Variants in NTRK1 observed in about 807,000 individuals in gnomAD.
NTRK1 encodes neurotrophic receptor tyrosine kinase 1.
Under a neutral mutation model 86.8 loss-of-function variants are expected in NTRK1, and 62 were observed. That is an observed-to-expected ratio of 0.71 (90% confidence interval 0.58 to 0.88). The LOEUF (loss-of-function observed/expected upper bound fraction) is 0.88. Ranked by LOEUF, NTRK1 falls within the 40% of genes least tolerant of loss-of-function variation. NTRK1 has a pLI of 0.00. For synonymous variants in NTRK1, 469 were observed against 456.6 expected (o/e 1.03, Z -0.35); for missense variants, 967 against 1,078.4 (o/e 0.90, Z 1.45).
rs1647561017 is a variant in NTRK1, at chr1:156,871,649, G to C, written c.744G>C (p.Gly248=). The C allele has an allele frequency of 6.2e-7, 1 of 1,614,110 alleles. No homozygotes were observed. Among genetic ancestry groups the C allele is most frequent in the South Asian group, 1.1e-5 (1 of 91,078 alleles). Residue 248 remains glycine, a synonymous_variant, in exon 7 of 17, where the codon GGG becomes GGC. Coordinates refer to ENST00000524377, the MANE Select transcript of NTRK1 (RefSeq NM_002529.4). ...AATCTGGGGGTCTGCCATCCCTGGG[G>C]CTGACCCTGGCCAATGTCACCAGTG... ...VMKSGGLPSL[G]LTLANVTSDL... is the part of the protein sequence containing the mutation.
At chr1:156,856,419 A>C (rs1655406507), upstream of NTRK1, among the ~76,000 whole-genome samples, 1 of 152,188 alleles carries the variant, frequency 6.6e-6, no homozygotes, top group South Asian at 2.1e-4. Context: ...ATTACTCTTG[A>C]AAGGACATTC....
Position 156,881,584 on chromosome 1 carries a change from A to G in NTRK1, c.2333A>G (p.His778Arg), listed in dbSNP as rs2102931328. The G allele has an allele frequency of 1.2e-6, 2 of 1,611,712 alleles. No homozygotes were observed. The highest frequency in any genetic ancestry group is 2.2e-5 in the South Asian group (2 of 90,556). The change falls in exon 17 of 17, where the codon CAC becomes CGC. Residue 778 changes from histidine to arginine, a missense_variant. This residue lies in a region of NTRK1 where 637 missense variants were observed against 776.5 expected (regional missense o/e 0.82). Coordinates refer to ENST00000524377, the MANE Select transcript of NTRK1 (RefSeq NM_002529.4). ...PQQRHSIKDV[H>R]ARLQALAQAP... ...CAACGCCACAGCATCAAGGATGTGC[A>G]CGCCCGGCTGCAAGCCCTGGCCCAG...
chr1:156,871,554 A>C, intron 6 of NTRK1, 69 bp from the exon 7 acceptor site: 1 of 1,583,364 alleles, frequency 6.3e-7, no homozygotes, highest in Non-Finnish European at 8.7e-7. Context: ...GGGGCTCTCC[A>C]AAGACTTCAG....
intron 5 of NTRK1, 31 bp downstream of exon 5, chr1:156,868,280 G>A (rs561102390): frequency 1.2e-5 from 20 of 1,602,408 alleles, no homozygotes; most frequent in Middle Eastern, 1.9e-4. Flanking sequence ...GTGGTGTAAG[G>A]GGGCTGGGGA....
In NTRK1 at chr1:156,880,093, G is replaced by T; in HGVS notation, c.2141G>T (p.Gly714Val). The T allele has an allele frequency of 1.2e-6, 2 of 1,613,348 alleles. No individual in the cohort carries two copies. The highest frequency in any genetic ancestry group is 1.7e-6 in the Non-Finnish European group (2 of 1,179,856). Residue 714 changes from glycine to valine, a missense_variant, in exon 16 of 17, where the codon GGC (glycine) becomes GTC (valine). Around this residue, in one of 2 missense-constraint regions of NTRK1, gnomAD observed 637 missense variants for 776.5 expected, o/e 0.82. Coordinates refer to ENST00000524377, the MANE Select transcript of NTRK1 (RefSeq NM_002529.4). ...FTTESDVWSF[G>V]VVLWEIFTYG... ...ACCGAGAGCGACGTGTGGAGCTTCG[G>T]CGTGGTGCTCTGGGAGATCTTCACC...
Position 156,881,710 on chromosome 1 carries a change from C to T in NTRK1, c.*68C>T. ...GGCCTGCCCTCAGCATCCCCCATAG[C>T]TCCCAGCAGCCCCAGGGTGATCTCA... On this transcript the variant is annotated 3_prime_UTR_variant, in exon 17 of 17. Coordinates refer to ENST00000524377, the MANE Select transcript of NTRK1 (RefSeq NM_002529.4). 1 of 1,448,806 alleles carries T rather than the reference C, an allele frequency of 6.9e-7. No homozygotes were observed. The highest frequency in any genetic ancestry group is 9.3e-7 in the Non-Finnish European group (1 of 1,074,428). The allele number at this position is 1,448,806 out of a possible 1,614,324, so 89.7% of individuals were successfully genotyped here.
Position 156,875,756 on chromosome 1 carries a change from C to T in NTRK1, c.1501+90C>T, listed in dbSNP as rs146573823. The T allele has an allele frequency of 3.7e-4, 561 of 1,525,942 alleles. 1 individual carries two copies. The highest frequency in any genetic ancestry group is 4.8e-4 in the Non-Finnish European group (541 of 1,126,250). 94.5% of individuals were successfully genotyped at this position (1,525,942 alleles called of 1,614,324 possible). A position where few individuals can be genotyped will look rare whatever the true frequency, so the allele number is the denominator to read the frequency against. On this transcript the variant is annotated intron_variant, in intron 12 of 16. Coordinates refer to ENST00000524377, the MANE Select transcript of NTRK1 (RefSeq NM_002529.4). ...GTGTGTAGAAGCCCCTAGGCCTGAA[C>T]GATCCCTCCCTTTCTCCCACCCCTC...
At chr1:156,843,441 A>G in intron 2 of NTRK1, 1 of 1,614,184 alleles carries the variant, frequency 6.2e-7, no homozygotes, top group South Asian at 1.1e-5. Context: ...AGAGGCGCTG[A>G]AGTACTCTGG....
chr1:156,851,581 A>AGG, intron 2 of NTRK1: 1 of 1,611,664 alleles, frequency 6.2e-7, no homozygotes. Context: ...GGTCATTGTA[A>AGG]GGGTTGTGTC....
At chr1:156,880,852 C>T (rs1648220403) in intron 16 of NTRK1, among the ~76,000 whole-genome samples, 1 of 152,240 alleles carries the variant, frequency 6.6e-6, no homozygotes, top group African/African-American at 2.4e-5. Flanking sequence ...CTTCTCCAAT[C>T]ACTCCCTGCC....
intron 6 of NTRK1, among the ~76,000 whole-genome samples, chr1:156,871,280 C>T (rs1020574532): frequency 5.9e-5 from 9 of 152,140 alleles, no homozygotes; most frequent in Non-Finnish European, 1.3e-4. Flanking sequence ...CCAGGCTGGG[C>T]GCAGTGGCTC....
At chr1:156,867,876 T>C (rs973815514) in intron 4 of NTRK1, among the ~76,000 whole-genome samples, 1 of 149,772 alleles carries the variant, frequency 6.7e-6, no homozygotes, top group Non-Finnish European at 1.5e-5. Context: ...GGTTTCACTG[T>C]GTTAGCCAGG....
At chr1:156,845,550 C>T in intron 2 of NTRK1, 1 of 1,390,828 alleles carries the variant, frequency 7.2e-7, no homozygotes, top group East Asian at 2.4e-5. Flanking sequence ...AACCCCACCC[C>T]TCCCGCAAGA....
intron 1 of NTRK1, among the ~76,000 whole-genome samples, chr1:156,833,567 A>AC (rs5778004): frequency 3.3e-5 from 5 of 151,838 alleles, no homozygotes; most frequent in African/African-American, 7.3e-5. Flanking sequence ...CAAAAAATAA[A>AC]CAAAAAAAAG....
chr1:156,876,708 C>G, intron 14 of NTRK1, 136 bp downstream of exon 14: 1 of 1,092,998 alleles, frequency 9.1e-7, no homozygotes. Flanking sequence ...ATTCCCGTCC[C>G]CAGGGAGCTC....
intron 7 of NTRK1, among the ~76,000 whole-genome samples, chr1:156,872,985 G>C (rs1647649606): frequency 6.6e-6 from 1 of 150,928 alleles, no homozygotes; most frequent in Non-Finnish European, 1.5e-5. Flanking sequence ...CCCAGATTGG[G>C]TCTATTTCAA....
rs554387833 is a variant in NTRK1 at position 156,852,501 on chromosome 1, C to T, written c.50+10308C>T. Among the ~76,000 whole-genome samples, 3 of 152,370 alleles carry T rather than the reference C, an allele frequency of 2.0e-5. No homozygotes were observed. In the South Asian group the frequency reaches 6.2e-4, roughly 32 times the overall value. ...TGCTGTCCTGTCTATCCTATCTAGG[C>T]CTGGTGCCCAGATCATGGCTGGGCA... On this transcript the variant is annotated intron_variant, in intron 2 of 16. Coordinates refer to the NTRK1 transcript ENST00000392302.
In NTRK1 at chr1:156,854,216, A is replaced by G; in HGVS notation, c.51-10138A>G. 2.5e-6 allele frequency: 4 copies of G among 1,614,060 alleles called. No homozygotes were observed. Among genetic ancestry groups the G allele is most frequent in the Non-Finnish European group, 3.4e-6 (4 of 1,180,024 alleles). ...CTCCCCGGTGGCTGTGAACATGAGC[A>G]GGATCTGCAGGTGGCCCTCCACCAC... On this transcript the variant is annotated intron_variant, in intron 2 of 16. Coordinates refer to the NTRK1 transcript ENST00000392302. This position sits in a 1 kb window ranked among gnomAD's most constrained non-coding sequence, Gnocchi z 4.2.
intron 2 of NTRK1, among the ~76,000 whole-genome samples, chr1:156,849,789 G>A (rs1049315252): frequency 1.3e-5 from 2 of 152,110 alleles, no homozygotes; most frequent in African/African-American, 2.4e-5. Flanking sequence ...GGAGACACCA[G>A]GAGGAGTAGT....
Sources: gnomAD v4.1 joint callset for allele counts (sites outside exome capture counted in the v4.1 genomes callset) on GRCh38, gnomAD v4.1.1 for gene constraint, gnomAD v4.1.1 regional missense constraint, Gnocchi (gnomAD v3.1) non-coding constraint, MANE v1.5 for transcripts, NCBI Gene and HGNC (gene_info 2026-07-23, HGNC 2026-07-21) for gene names.